The following RSU1 variants were observed in gnomAD, a reference collection of about 807,000 sequenced individuals.
RSU1 encodes Ras suppressor protein 1.
A neutral mutation model predicts 31.1 loss-of-function variants in RSU1; 26 were observed. The ratio of observed to expected loss-of-function variants is 0.84; its 90% CI spans 0.61 to 1.16. RSU1 has a LOEUF of 1.16. Ranked by LOEUF, RSU1 falls within the 50% of genes most tolerant of loss-of-function variation. The probability of loss-of-function intolerance (pLI) is 0.00; values close to 1 mark genes in which losing one functional copy is unlikely to be tolerated. For missense variants in RSU1, 320 were observed against 339.1 expected (o/e 0.94, Z 0.44); for synonymous variants, 164 against 136.3 (o/e 1.20, Z -1.41).
At chr10:16,809,733 T>C (rs1184696929) in intron 2 of RSU1, among the ~76,000 whole-genome samples, 2 of 152,218 alleles carry the variant, frequency 1.3e-5, no homozygotes, top group Non-Finnish European at 2.9e-5. Flanking sequence ...TCAACTAGGT[T>C]CATGTGAATT....
intron 2 of RSU1, among the ~76,000 whole-genome samples, chr10:16,795,442 G>T (rs1838011534): frequency 6.6e-6 from 1 of 151,500 alleles, no homozygotes; most frequent in Non-Finnish European, 1.5e-5. Flanking sequence ...AACATGACTG[G>T]CACAGTTCTA....
At chr10:16,751,651 T>A (rs1393757779) in intron 7 of RSU1, among the ~76,000 whole-genome samples, 4 of 152,242 alleles carry the variant, frequency 2.6e-5, no homozygotes, top group Admixed American at 6.5e-5. Flanking sequence ...CTCCTGGTGA[T>A]TGCATTCTAA....
chr10:16,695,497 T>A (rs927736640), intron 7 of RSU1, among the ~76,000 whole-genome samples: 1 of 152,214 alleles, frequency 6.6e-6, no homozygotes, highest in Non-Finnish European at 1.5e-5. Flanking sequence ...ATCTTGACCA[T>A]GTCAGTATGC....
intron 8 of RSU1, among the ~76,000 whole-genome samples, chr10:16,665,536 T>C (rs1047474468): frequency 1.3e-5 from 2 of 152,150 alleles, no homozygotes; most frequent in African/African-American, 2.4e-5. Flanking sequence ...AACACAAACT[T>C]CCATTCTTCC....
intron 7 of RSU1, among the ~76,000 whole-genome samples, chr10:16,737,394 G>A (rs1420233640): frequency 6.6e-6 from 1 of 151,442 alleles, no homozygotes; most frequent in Non-Finnish European, 1.5e-5. Context: ...AGAGAACAAT[G>A]TAAGAAAGAC....
intron 8 of RSU1, among the ~76,000 whole-genome samples, chr10:16,693,372 G>T (rs964559434): frequency 2.6e-5 from 4 of 152,108 alleles, no homozygotes; most frequent in African/African-American, 9.7e-5. Context: ...CAGAAATGCA[G>T]CCAGCCACTT....
At chr10:16,684,452 A>T (rs1835400669) in intron 8 of RSU1, among the ~76,000 whole-genome samples, 1 of 152,176 alleles carries the variant, frequency 6.6e-6, no homozygotes, top group South Asian at 2.1e-4. Context: ...TTAAAGAGAT[A>T]ATCAAGTTAA....
chr10:16,756,940 C>T lies in RSU1; in HGVS notation c.282-1951G>A, dbSNP rs1379274334. Among the ~76,000 whole-genome samples the T allele has an allele frequency of 1.8e-4, 15 of 81,338 alleles. No homozygotes were observed. In the Admixed American group the frequency reaches 2.0e-3, roughly 11 times the overall value. 53.4% of individuals were successfully genotyped at this position (81,338 alleles called of 152,430 possible). On this transcript the variant is annotated intron_variant, in intron 4 of 8. Transcript: ENST00000345264. ...AAGGACGTGGGGGGCTGTGTGGGGG[C>T]GGGTATGTGTGTGGTGTGGGGTAGG...
intron 2 of RSU1, among the ~76,000 whole-genome samples, chr10:16,798,393 C>T (rs929695470): frequency 2.6e-5 from 4 of 152,282 alleles, no homozygotes; most frequent in East Asian, 3.9e-4. Context: ...TCATAATCTT[C>T]GTATGTCAAG....
chr10:16,739,495 G>A (rs1450929811), intron 7 of RSU1, among the ~76,000 whole-genome samples: 2 of 107,964 alleles, frequency 1.9e-5, no homozygotes, highest in African/African-American at 7.4e-5. Flanking sequence ...TTTTGAGACA[G>A]AGTCTCGCTC....
intron 8 of RSU1, among the ~76,000 whole-genome samples, chr10:16,602,054 G>A (rs893501484): frequency 2.6e-5 from 4 of 152,136 alleles, no homozygotes; most frequent in African/African-American, 9.7e-5. Flanking sequence ...GCTTGTTTTT[G>A]TTGTTGTTGC....
At chr10:16,684,904 A>AAT (rs1435890463) in intron 8 of RSU1, among the ~76,000 whole-genome samples, 9 of 152,212 alleles carry the variant, frequency 5.9e-5, no homozygotes, top group African/African-American at 2.2e-4. Flanking sequence ...TTGGATAGAG[A>AAT]ATATAAAGTA....
intron 8 of RSU1, among the ~76,000 whole-genome samples, chr10:16,593,747 T>G (rs1374177383): frequency 6.6e-6 from 1 of 152,210 alleles, no homozygotes; most frequent in Non-Finnish European, 1.5e-5. Context: ...GGAGAAGTGG[T>G]CAGGCCCTGC....
rs975353405 is a variant in RSU1, at chr10:16,742,609, T to A, written c.598+9930A>T. 2.6e-5 allele frequency among the ~76,000 whole-genome samples: 4 copies of A among 151,076 alleles called. No individual in the cohort carries two copies. In the South Asian group the frequency reaches 8.3e-4, roughly 32 times the overall value. On this transcript the variant is annotated intron_variant, in intron 7 of 8. Coordinates refer to ENST00000345264, the MANE Select transcript of RSU1 (RefSeq NM_012425.4). ...GTATTTAGAGACATGCCTCTGGAATTTAAAAAAAAAAAAAATTAAATCCGG... is the reference window on the plus strand; with the variant it reads ...GTATTTAGAGACATGCCTCTGGAATATAAAAAAAAAAAAAATTAAATCCGG...
Position 16,689,737 on chromosome 10 carries a change from TG to T in RSU1, c.731+5285del, listed in dbSNP as rs1300412264. On this transcript the variant is annotated intron_variant, in intron 8 of 8. Coordinates refer to ENST00000345264, the MANE Select transcript of RSU1 (RefSeq NM_012425.4). ...TAACTAATATGAATAATAGTATGGC[TG>T]GTCTTTCATTTAAGGTTAAAAAAAC... Among the ~76,000 whole-genome samples, 3 of 152,322 alleles carry T rather than the reference TG, an allele frequency of 2.0e-5. No homozygotes were observed. The East Asian group carries it at 5.8e-4, about 29-fold the overall frequency.
At chr10:16,795,095 T>C (rs1487559811) in intron 2 of RSU1, among the ~76,000 whole-genome samples, 3 of 152,262 alleles carry the variant, frequency 2.0e-5, no homozygotes, top group Non-Finnish European at 4.4e-5. Flanking sequence ...GGCTCATGCC[T>C]GTATTTCCAG....
At chr10:16,703,667 T>C (rs912634042) in intron 7 of RSU1, among the ~76,000 whole-genome samples, 1 of 152,182 alleles carries the variant, frequency 6.6e-6, no homozygotes, top group Admixed American at 6.5e-5. Context: ...CATGACATAA[T>C]ATTGAAGGTC....
intron 7 of RSU1, among the ~76,000 whole-genome samples, chr10:16,708,553 G>C (rs988764213): frequency 7.2e-5 from 11 of 151,978 alleles, no homozygotes; most frequent in African/African-American, 2.7e-4. Context: ...GGGTTGCTTT[G>C]GCTATTTGGG....
At chr10:16,762,956 C>G (rs1190427018) in intron 4 of RSU1, among the ~76,000 whole-genome samples, 1 of 151,080 alleles carries the variant, frequency 6.6e-6, no homozygotes, top group East Asian at 2.0e-4. Flanking sequence ...GAGGCTGCAG[C>G]TAGCCCAGAT....
Sources: gnomAD v4.1 joint callset for allele counts (sites outside exome capture counted in the v4.1 genomes callset) on GRCh38, gnomAD v4.1.1 for gene constraint, MANE v1.5 for transcripts, NCBI Gene and HGNC (gene_info 2026-07-23, HGNC 2026-07-21) for gene names.